The following PAK5 variants were observed in gnomAD, a reference collection of about 807,000 sequenced individuals.
PAK5 encodes the protein p21 (RAC1) activated kinase 5.
In PAK5, 16 loss-of-function variants were observed where a neutral mutation model predicts 65.9. That is an observed-to-expected ratio of 0.24 (90% CI 0.16 to 0.37). The LOEUF is 0.37. PAK5 is among the 10% of genes least tolerant of loss of function. PAK5 has a pLI of 1.00. For missense variants in PAK5, 785 were observed against 903.9 expected (o/e 0.87, Z 1.69); for synonymous variants, 371 against 354.9 (o/e 1.05, Z -0.51).
chr20:9,612,654 C>T (rs1217357011), intron 3 of PAK5, among the ~76,000 whole-genome samples: 1 of 152,132 alleles, frequency 6.6e-6, no homozygotes, highest in Non-Finnish European at 1.5e-5. Flanking sequence ...CCAATCACCT[C>T]CCACCAGGCC....
intron 3 of PAK5, among the ~76,000 whole-genome samples, chr20:9,602,064 G>A (rs370951872): frequency 1.3e-3 from 194 of 152,128 alleles, no homozygotes; most frequent in African/African-American, 3.8e-3. Context: ...AGGCCGAGGC[G>A]GGAGGATCAC....
intron 2 of PAK5, among the ~76,000 whole-genome samples, chr20:9,666,599 G>A (rs1179390788): frequency 6.6e-6 from 1 of 152,032 alleles, no homozygotes; most frequent in Non-Finnish European, 1.5e-5. Context: ...TCTCCAAGTG[G>A]CCTTCTTACT....
At chr20:9,811,106 T>C (rs534192631) in intron 1 of PAK5, among the ~76,000 whole-genome samples, 1 of 152,338 alleles carries the variant, frequency 6.6e-6, no homozygotes, top group African/African-American at 2.4e-5. Flanking sequence ...CTTGAATATC[T>C]ATTTAATGAC....
chr20:9,745,288 G>T (rs950051217), intron 1 of PAK5, among the ~76,000 whole-genome samples: 4 of 150,710 alleles, frequency 2.7e-5, no homozygotes, highest in African/African-American at 9.8e-5. Context: ...TGTCATTTTT[G>T]CTGTGAGTGA....
intron 2 of PAK5, among the ~76,000 whole-genome samples, chr20:9,669,622 T>A (rs1020752845): frequency 2.0e-5 from 3 of 152,230 alleles, no homozygotes; most frequent in South Asian, 2.1e-4. Context: ...GCTGAGAGCA[T>A]CTCTGCCTTG....
chr20:9,681,050 G>C (rs2050109), intron 2 of PAK5, among the ~76,000 whole-genome samples: 1 of 151,932 alleles, frequency 6.6e-6, no homozygotes, highest in Admixed American at 6.6e-5. Context: ...CAATTTTTGC[G>C]TCTATGTTGA....
At chr20:9,737,864 T>C (rs1216841551) in intron 1 of PAK5, among the ~76,000 whole-genome samples, 3 of 152,128 alleles carry the variant, frequency 2.0e-5, no homozygotes, top group Admixed American at 2.0e-4. Context: ...GAACTGGGGC[T>C]GGGCACGGTG....
intron 1 of PAK5, among the ~76,000 whole-genome samples, chr20:9,727,485 T>C (rs1569061421): frequency 6.6e-6 from 1 of 152,192 alleles, no homozygotes; most frequent in Non-Finnish European, 1.5e-5. Flanking sequence ...TCCTGCTCTC[T>C]ACAAACTTTG....
At chr20:9,817,934 T>C (rs2049377029) in intron 1 of PAK5, among the ~76,000 whole-genome samples, 1 of 152,240 alleles carries the variant, frequency 6.6e-6, no homozygotes, top group Non-Finnish European at 1.5e-5. Context: ...ACAGAGCAGC[T>C]AGGGGTCATC....
intron 1 of PAK5, among the ~76,000 whole-genome samples, chr20:9,750,901 G>T (rs2048568987): frequency 6.6e-6 from 1 of 152,116 alleles, no homozygotes; most frequent in Admixed American, 6.6e-5. Context: ...ATAGTCTAGA[G>T]TAGGTTTATC....
At chr20:9,790,391 A>G (rs2049037944) in intron 1 of PAK5, among the ~76,000 whole-genome samples, 1 of 152,138 alleles carries the variant, frequency 6.6e-6, no homozygotes, top group African/African-American at 2.4e-5. Context: ...AAAAGAGGGG[A>G]GAGGGAAAAC....
intron 1 of PAK5, among the ~76,000 whole-genome samples, chr20:9,797,123 C>T (rs866062476): frequency 4.0e-5 from 6 of 151,430 alleles, no homozygotes; most frequent in Middle Eastern, 3.4e-3. Flanking sequence ...TTTTGATTTG[C>T]GTTTCTCTGA....
chr20:9,793,461 G>A (rs1356256027), intron 1 of PAK5, among the ~76,000 whole-genome samples: 2 of 152,064 alleles, frequency 1.3e-5, no homozygotes, highest in Non-Finnish European at 2.9e-5. Flanking sequence ...TGTGAAACAA[G>A]TTCCAGAGGG....
In PAK5 at chr20:9,553,572, G is replaced by GTA. The variant is rs773497934; in HGVS notation, c.1743+4034_1743+4035dup. 2.1e-3 allele frequency among the ~76,000 whole-genome samples: 312 copies of GTA among 151,614 alleles called. 1 individual carries two copies. The highest frequency in any genetic ancestry group is 3.6e-3 in the Non-Finnish European group (243 of 67,852). On this transcript the variant is annotated intron_variant, in intron 7 of 9. Coordinates refer to ENST00000353224, the MANE Select transcript of PAK5 (RefSeq NM_177990.4). ...TTATTTCATGAGTGTGTGTGTGTGT[G>GTA]TATATATATAAATATATGGAATCAT...
rs1568950229 is a variant in PAK5 at position 9,539,062 on chromosome 20, A to T, written c.*400T>A. 3 of 237,080 alleles carry T rather than the reference A, an allele frequency of 1.3e-5. No homozygotes were observed. The highest frequency in any genetic ancestry group is 2.5e-5 in the Non-Finnish European group (3 of 120,450). The allele number at this position is 237,080 out of a possible 1,614,324, so 14.7% of individuals were successfully genotyped here. The stretch of plus-strand genomic sequence containing the variant: ...ACATTATACTGCTACCATTAAGAAA[A>T]AAGTGCTTTTTGTTTTCCTTTCTTT... On this transcript the variant is annotated 3_prime_UTR_variant, in exon 10 of 10. Coordinates refer to ENST00000353224, the MANE Select transcript of PAK5 (RefSeq NM_177990.4).
rs989126253 is a variant in PAK5, at chr20:9,644,071, A to G, written c.204+54T>C. On this transcript the variant is annotated intron_variant, in intron 3 of 9. Coordinates refer to ENST00000353224, the MANE Select transcript of PAK5 (RefSeq NM_177990.4). ...CTTGCTTATAAAGCTGATGCAGTGC[A>G]TTAAATAAGAGCATGATTCTTAAGC... 3.5e-5 allele frequency: 48 copies of G among 1,369,736 alleles called. No individual in the cohort carries two copies. The East Asian group carries it at 1.0e-3, about 30-fold the overall frequency. The allele number at this position is 1,369,736 out of a possible 1,614,324, so 84.8% of individuals were successfully genotyped here.
intron 4 of PAK5, among the ~76,000 whole-genome samples, chr20:9,572,730 C>T (rs1431434759): frequency 6.6e-6 from 1 of 152,202 alleles, no homozygotes; most frequent in African/African-American, 2.4e-5. Context: ...CCTTGCAGAC[C>T]TTACAGCAAG....
chr20:9,668,028 A>G (rs1326857493), intron 2 of PAK5, among the ~76,000 whole-genome samples: 1 of 152,174 alleles, frequency 6.6e-6, no homozygotes, highest in Non-Finnish European at 1.5e-5. Context: ...ATCTCCTTGA[A>G]CCATTTGAGT....
intron 1 of PAK5, among the ~76,000 whole-genome samples, chr20:9,722,534 C>T (rs1008621217): frequency 6.6e-6 from 1 of 152,036 alleles, no homozygotes; most frequent in East Asian, 2.0e-4. Flanking sequence ...ATGGCATGAA[C>T]CCGGGAGGCG....
Sources: allele counts gnomAD v4.1 joint callset (sites outside exome capture counted in the v4.1 genomes callset), GRCh38; gene constraint gnomAD v4.1.1; transcripts MANE v1.5; gene names NCBI Gene and HGNC (gene_info 2026-07-23, HGNC 2026-07-21).